Variants in TSPAN18 observed in about 807,000 individuals in gnomAD.
TSPAN18 encodes the protein tetraspanin 18.
TSPAN18 carries 14 observed loss-of-function variants against 27.3 expected under a neutral mutation model. The ratio of observed to expected loss-of-function variants is 0.51; its 90% CI spans 0.34 to 0.80. The LOEUF (loss-of-function observed/expected upper bound fraction) is 0.80. Ranked by LOEUF, TSPAN18 falls within the 30% of genes least tolerant of loss-of-function variation. The pLI, the probability that TSPAN18 is intolerant of heterozygous loss-of-function variation, is 0.01. For synonymous variants in TSPAN18, 143 were observed against 136.5 expected (o/e 1.05, Z -0.33); for missense variants, 268 against 323.9 (o/e 0.83, Z 1.32).
chr11:44,866,385 T>C (rs1210024612), intron 3 of TSPAN18, among the ~76,000 whole-genome samples: 2 of 152,218 alleles, frequency 1.3e-5, no homozygotes, highest in Non-Finnish European at 2.9e-5. Flanking sequence ...TTGGTGGCCT[T>C]ATGTGATCCG....
At chr11:44,787,656 T>G (rs116198043) in intron 2 of TSPAN18, among the ~76,000 whole-genome samples, 2,845 of 152,334 alleles carry the variant, frequency 0.019, 103 homozygotes, top group African/African-American at 0.065. Flanking sequence ...AAAGAGAGAC[T>G]GCATGTAAAA....
At chr11:44,747,759 C>A (rs868179073) in intron 1 of TSPAN18, among the ~76,000 whole-genome samples, 1 of 152,188 alleles carries the variant, frequency 6.6e-6, no homozygotes, top group Non-Finnish European at 1.5e-5. Flanking sequence ...CACACTCACA[C>A]GCTACCTTCA....
intron 2 of TSPAN18, among the ~76,000 whole-genome samples, chr11:44,796,537 G>A (rs968036309): frequency 6.6e-6 from 1 of 152,150 alleles, no homozygotes; most frequent in Admixed American, 6.5e-5. Context: ...CCTTGGAGAG[G>A]CAACACCTCT....
At chr11:44,911,916 G>A (rs924829340) in intron 5 of TSPAN18, among the ~76,000 whole-genome samples, 2 of 137,266 alleles carry the variant, frequency 1.5e-5, no homozygotes, top group Non-Finnish European at 1.6e-5. Context: ...CCTGATGGCA[G>A]ATCCTTCCCC....
intron 2 of TSPAN18, among the ~76,000 whole-genome samples, chr11:44,799,624 G>A (rs1256654605): frequency 6.6e-6 from 1 of 152,184 alleles, no homozygotes; most frequent in Non-Finnish European, 1.5e-5. Context: ...TGTTTATTAT[G>A]TGTCAGCGAT....
chr11:44,787,074 A>G (rs1272424403), intron 2 of TSPAN18, among the ~76,000 whole-genome samples: 1 of 152,206 alleles, frequency 6.6e-6, no homozygotes, highest in Non-Finnish European at 1.5e-5. Context: ...GGCTGGGGAC[A>G]AGATTTGGAC....
intron 1 of TSPAN18, chr11:44,736,364 T>A (rs754777845): frequency 6.6e-6 from 1 of 152,204 alleles, no homozygotes; most frequent in Non-Finnish European, 1.5e-5. Flanking sequence ...ATTGTTTGAG[T>A]TGACCGAATG....
chr11:44,854,457 G>A (rs1030606170), intron 2 of TSPAN18, among the ~76,000 whole-genome samples: 16 of 152,166 alleles, frequency 1.1e-4, no homozygotes, highest in African/African-American at 3.1e-4. Context: ...TGCTCCATAC[G>A]TGGCAATGTG....
intron 1 of TSPAN18, among the ~76,000 whole-genome samples, chr11:44,728,614 C>T (rs984949446): frequency 6.6e-6 from 1 of 152,156 alleles, no homozygotes; most frequent in Non-Finnish European, 1.5e-5. Flanking sequence ...CCCTGGCCCC[C>T]ACCCTCATCC....
At chr11:44,761,640 C>T (rs887863793) in intron 1 of TSPAN18, among the ~76,000 whole-genome samples, 1 of 152,300 alleles carries the variant, frequency 6.6e-6, no homozygotes, top group African/African-American at 2.4e-5. Context: ...TATTGACAGG[C>T]GCTGCCCACA....
intron 1 of TSPAN18, among the ~76,000 whole-genome samples, chr11:44,754,781 A>G (rs7941833): frequency 0.084 from 12,843 of 152,186 alleles, 1,541 homozygotes; most frequent in African/African-American, 0.27. Flanking sequence ...TTTAGATGAA[A>G]AGGGAGGTCC....
chr11:44,742,012 A>G (rs1439285168), intron 1 of TSPAN18, among the ~76,000 whole-genome samples: 3 of 151,594 alleles, frequency 2.0e-5, no homozygotes, highest in African/African-American at 4.8e-5. Context: ...TAGCTCATTC[A>G]ATGCCCAGCA....
At chr11:44,830,170 G>T (rs1447025256) in intron 2 of TSPAN18, among the ~76,000 whole-genome samples, 1 of 152,146 alleles carries the variant, frequency 6.6e-6, no homozygotes, top group Non-Finnish European at 1.5e-5. Flanking sequence ...TGTTCCCTCT[G>T]CTTGGAGCTC....
chr11:44,825,838 AGGGTT>A (rs3051325), intron 2 of TSPAN18, among the ~76,000 whole-genome samples: 5,148 of 152,164 alleles, frequency 0.034, 165 homozygotes, highest in African/African-American at 0.074. Context: ...GAGTGTGTTT[AGGGTT>A]GGATGCTCGC....
intron 2 of TSPAN18, among the ~76,000 whole-genome samples, chr11:44,849,388 G>A (rs1411976990): frequency 6.6e-6 from 1 of 152,214 alleles, no homozygotes; most frequent in East Asian, 1.9e-4. Context: ...GGCAGAAGAA[G>A]TAGCTAAGCA....
intron 3 of TSPAN18, among the ~76,000 whole-genome samples, chr11:44,900,670 T>C (rs1048339409): frequency 7.2e-6 from 1 of 138,252 alleles, no homozygotes; most frequent in Non-Finnish European, 1.6e-5. Context: ...TCCATACAAC[T>C]TGAGGAAGGC....
chr11:44,796,395 G>A (rs1356933176), intron 2 of TSPAN18, among the ~76,000 whole-genome samples: 1 of 152,082 alleles, frequency 6.6e-6, no homozygotes, highest in Non-Finnish European at 1.5e-5. Flanking sequence ...CCCCACTCCT[G>A]TGGGTTCCTC....
chr11:44,911,104 CT>C (rs1859695000), intron 5 of TSPAN18, among the ~76,000 whole-genome samples: 1 of 152,196 alleles, frequency 6.6e-6, no homozygotes, highest in African/African-American at 2.4e-5. Context: ...ACTTGGAGAA[CT>C]TCTGGGCTGA....
chr11:44,771,072 A>G (rs1009690373), intron 2 of TSPAN18, among the ~76,000 whole-genome samples: 4 of 152,182 alleles, frequency 2.6e-5, no homozygotes, highest in Non-Finnish European at 5.9e-5. Flanking sequence ...GAGAGCCATC[A>G]GCTTATAGAG....
Sources: gnomAD v4.1 joint callset for allele counts (sites outside exome capture counted in the v4.1 genomes callset) on GRCh38, gnomAD v4.1.1 for gene constraint, MANE v1.5 for transcripts, NCBI Gene and HGNC (gene_info 2026-07-23, HGNC 2026-07-21) for gene names.